Variants in NDUFA5 observed in about 807,000 individuals in gnomAD.
NDUFA5 encodes NADH:ubiquinone oxidoreductase subunit A5.
Under a neutral mutation model 19.8 loss-of-function variants are expected in NDUFA5, and 11 were observed. The ratio of observed to expected loss-of-function variants is 0.56; its 90% confidence interval spans 0.35 to 0.92. The LOEUF (loss-of-function observed/expected upper bound fraction) is 0.92, where lower values mean the gene tolerates loss of function less well. NDUFA5 is among the 40% of genes least tolerant of loss of function. NDUFA5 has a pLI of 0.01. For missense variants in NDUFA5, 109 were observed against 134.2 expected (o/e 0.81, Z 0.93); for synonymous variants, 47 against 46.8 (o/e 1.00, Z -0.01).
rs1016802828 is a variant in NDUFA5, at chr7:123,539,366, T to C, written c.*2753A>G. 5 of 152,130 alleles carry C rather than the reference T, an allele frequency of 3.3e-5. No homozygotes were observed. Among genetic ancestry groups the C allele is most frequent in the South Asian group, 4.1e-4 (2 of 4,834 alleles). The allele number at this position is 152,130 out of a possible 1,614,324, so 9.4% of individuals were successfully genotyped here. A position where few individuals can be genotyped will look rare whatever the true frequency, so the allele number is the denominator to read the frequency against. On this transcript the variant is annotated 3_prime_UTR_variant, in exon 5 of 5. Transcript: ENST00000355749. ...TCCCAAAGGAAAGAATGCCAAGAAATTGGAATCGTCTGCACTAAGTCCCAG... is the reference window on the plus strand; with the variant it reads ...TCCCAAAGGAAAGAATGCCAAGAAACTGGAATCGTCTGCACTAAGTCCCAG...
chr7:123,543,245 A>G (rs367803381), intron 4 of NDUFA5, among the ~76,000 whole-genome samples: 15 of 152,252 alleles, frequency 9.9e-5, no homozygotes, highest in African/African-American at 3.1e-4. Flanking sequence ...CGAACATCCA[A>G]TGCTTTCTCA....
Position 123,557,113 on chromosome 7 carries a change from G to A in NDUFA5, c.66+291C>T, listed in dbSNP as rs780427630. 1.9e-5 allele frequency: 12 copies of A among 626,222 alleles called. 1 individual carries two copies. Among genetic ancestry groups the A allele is most frequent in the Non-Finnish European group, 2.7e-5 (9 of 337,206 alleles). 38.8% of individuals were successfully genotyped at this position (626,222 alleles called of 1,614,324 possible). ...GCAAGGAGAAAAGATGGAAAACGGA[G>A]ATATAAATTTGAGATGGCGCTGACA... On this transcript the variant is annotated intron_variant, in intron 2 of 4. Coordinates refer to ENST00000355749, the MANE Select transcript of NDUFA5 (RefSeq NM_005000.5).
the NDUFA5 span, among the ~76,000 whole-genome samples, chr7:123,596,600 A>T: frequency 6.6e-6 from 1 of 152,142 alleles, no homozygotes; most frequent in Non-Finnish European, 1.5e-5. Flanking sequence ...TGACAGAGGG[A>T]GACCCTGTCT....
At chr7:123,557,211 C>A (rs1485984228) in intron 2 of NDUFA5, 193 bp downstream of exon 2, 2 of 808,446 alleles carry the variant, frequency 2.5e-6, no homozygotes, top group African/African-American at 1.7e-5. Flanking sequence ...ATAAAGAGGT[C>A]ATGGCAAAAA....
chr7:123,575,577 A>G, the NDUFA5 span, among the ~76,000 whole-genome samples: 1 of 152,024 alleles, frequency 6.6e-6, no homozygotes, highest in African/African-American at 2.4e-5. Context: ...CTACAGTGAA[A>G]TATTTTCAAT....
intron 3 of NDUFA5, chr7:123,550,190 C>T (rs1191208466): frequency 1.3e-5 from 3 of 237,548 alleles, no homozygotes; most frequent in Non-Finnish European, 2.4e-5. Context: ...AGCAAAAGAT[C>T]AATAAAGGAC....
the NDUFA5 span, among the ~76,000 whole-genome samples, chr7:123,588,659 A>T: frequency 6.7e-6 from 1 of 148,802 alleles, no homozygotes; most frequent in Non-Finnish European, 1.5e-5. Flanking sequence ...TGAGGTATAA[A>T]GTTAGGCTAT....
the NDUFA5 span, among the ~76,000 whole-genome samples, chr7:123,586,982 T>C: frequency 6.6e-6 from 1 of 151,776 alleles, no homozygotes; most frequent in Non-Finnish European, 1.5e-5. Context: ...CTTTGTATTA[T>C]AATTTGAATT....
Position 123,557,765 on chromosome 7 carries a change from T to A in NDUFA5, c.21+10A>T, listed in dbSNP as rs745426772. On this transcript the variant is annotated intron_variant, in intron 1 of 4. Transcript: ENST00000355749. ...GTCTAAATTCCAACAGTGACCTCCA[T>A]TCGTCTCACCTTCTTCAGCACACCC... The A allele has an allele frequency of 4.3e-6, 7 of 1,613,806 alleles. No individual in the cohort carries two copies. Among genetic ancestry groups the A allele is most frequent in the Non-Finnish European group, 5.9e-6 (7 of 1,179,994 alleles).
At chr7:123,546,789 T>C (rs1326503805) in intron 3 of NDUFA5, 1 of 824,996 alleles carries the variant, frequency 1.2e-6, no homozygotes, top group African/African-American at 1.8e-5. Flanking sequence ...TCTTATTGAT[T>C]AACTACTGAT....
the NDUFA5 span, among the ~76,000 whole-genome samples, chr7:123,581,290 T>G: frequency 6.6e-6 from 1 of 151,768 alleles, no homozygotes; most frequent in Non-Finnish European, 1.5e-5. Flanking sequence ...ACACTTTGAA[T>G]TCAAAACGAG....
chr7:123,590,539 G>A, the NDUFA5 span, among the ~76,000 whole-genome samples: 1 of 152,082 alleles, frequency 6.6e-6, no homozygotes, highest in African/African-American at 2.4e-5. Context: ...TTCTACATAT[G>A]GCTAGCCAGT....
At position 123,540,816 on chromosome 7, in the gene NDUFA5, G is replaced by A. The variant is rs1797901699; in HGVS notation, c.*1303C>T. ...TTTAGTATTCATGTTACAGCTCTATGAGGGGAGAAATATACTGGAAAGAAG... is the reference window on the plus strand; with the variant it reads ...TTTAGTATTCATGTTACAGCTCTATAAGGGGAGAAATATACTGGAAAGAAG... On this transcript the variant is annotated 3_prime_UTR_variant, in exon 5 of 5. Coordinates refer to ENST00000355749, the MANE Select transcript of NDUFA5 (RefSeq NM_005000.5). The A allele has an allele frequency of 6.6e-6, 1 of 151,598 alleles. No individual in the cohort carries two copies. Among genetic ancestry groups the A allele is most frequent in the South Asian group, 2.1e-4 (1 of 4,792 alleles). 9.4% of individuals were successfully genotyped at this position (151,598 alleles called of 1,614,324 possible).
chr7:123,574,879 A>G, the NDUFA5 span, among the ~76,000 whole-genome samples: 1 of 151,970 alleles, frequency 6.6e-6, no homozygotes, highest in Non-Finnish European at 1.5e-5. Context: ...TCAGTCTTGA[A>G]GACTTTACTG....
At chr7:123,548,620 G>C (rs1334062625) in intron 3 of NDUFA5, among the ~76,000 whole-genome samples, 2 of 152,156 alleles carry the variant, frequency 1.3e-5, no homozygotes, top group African/African-American at 4.8e-5. Context: ...TAAGTATAGA[G>C]TATAAAACAG....
At chr7:123,593,339 G>A in the NDUFA5 span, among the ~76,000 whole-genome samples, 17 of 152,168 alleles carry the variant, frequency 1.1e-4, no homozygotes, top group South Asian at 6.2e-4. Flanking sequence ...TATTTTGCCC[G>A]TTAATTGATG....
chr7:123,545,829 C>T lies in NDUFA5; in HGVS notation c.184-153G>A, dbSNP rs1798112354. 3 of 563,070 alleles carry T rather than the reference C, an allele frequency of 5.3e-6. No homozygotes were observed. In the South Asian group the frequency reaches 7.1e-5, roughly 13 times the overall value. The allele number at this position is 563,070 out of a possible 1,614,324, so 34.9% of individuals were successfully genotyped here. On this transcript the variant is annotated intron_variant, in intron 3 of 4. Transcript: ENST00000355749. The stretch of plus-strand genomic sequence containing the variant: ...CTAAATATTTGGTGAAAATTCATTT[C>T]ACCTCTGCTATTTCATTGCTTTTCT...
chr7:123,598,005 T>A, the NDUFA5 span, among the ~76,000 whole-genome samples: 1 of 151,226 alleles, frequency 6.6e-6, no homozygotes, highest in Non-Finnish European at 1.5e-5. Flanking sequence ...TTAGGTCTCA[T>A]CTCTCTACTT....
intron 2 of NDUFA5, chr7:123,551,592 C>T: frequency 2.9e-6 from 2 of 696,770 alleles, no homozygotes; most frequent in Non-Finnish European, 3.5e-6. Flanking sequence ...GAAATAAACA[C>T]ATATAATCAT....
Sources: gnomAD v4.1 joint callset for allele counts (sites outside exome capture counted in the v4.1 genomes callset) on GRCh38, gnomAD v4.1.1 for gene constraint, MANE v1.5 for transcripts, NCBI Gene and HGNC (gene_info 2026-07-23, HGNC 2026-07-21) for gene names.